Variants in CYP4B1 observed in about 807,000 individuals in gnomAD.
CYP4B1 encodes the protein cytochrome P450 family 4 subfamily B member 1, also known as cytochrome P450 4B1.
CYP4B1 carries 45 observed loss-of-function variants against 54.0 expected under a neutral mutation model. The ratio of observed to expected loss-of-function variants is 0.83; its 90% CI spans 0.66 to 1.07. The LOEUF (loss-of-function observed/expected upper bound fraction) is 1.07, where lower values mean the gene tolerates loss of function less well. Ranked by LOEUF, CYP4B1 falls within the 50% of genes least tolerant of loss-of-function variation. CYP4B1 has a pLI of 0.00. For missense variants in CYP4B1, 656 were observed against 655.4 expected (o/e 1.00, Z -0.01); for synonymous variants, 248 against 247.5 (o/e 1.00, Z -0.02).
rs528993032 is a variant in CYP4B1 at position 46,813,593 on chromosome 1, G to A, written c.607G>A (p.Gly203Ser). ...MKCTFGRGDT[G>S]LGHSRDSSYY... The stretch of plus-strand genomic sequence containing the variant: ...GTGCACCTTTGGAAGAGGAGACACC[G>A]GCCTGGGCCACAGGTCAGGAGCCAC... Residue 203 changes from glycine (G) to serine (S), a missense_variant, in exon 5 of 12, where the codon GGC (glycine) becomes AGC (serine). Physicochemically the swap from Gly to Ser is moderately conservative, Grantham distance 56. Transcript: ENST00000371923. The A allele has an allele frequency of 1.8e-4, 289 of 1,614,022 alleles. 1 individual carries two copies. In the South Asian group the frequency reaches 2.8e-3, roughly 16 times the overall value.
intron 1 of CYP4B1, among the ~76,000 whole-genome samples, chr1:46,804,655 G>A (rs1252674461): frequency 6.6e-6 from 1 of 151,930 alleles, no homozygotes; most frequent in Non-Finnish European, 1.5e-5. Flanking sequence ...CAGGTGGGGT[G>A]GTCCTTCAGG....
At chr1:46,807,266 C>G (rs1259004648) in intron 1 of CYP4B1, among the ~76,000 whole-genome samples, 1 of 152,100 alleles carries the variant, frequency 6.6e-6, no homozygotes, top group Non-Finnish European at 1.5e-5. Flanking sequence ...GTCTACTGTC[C>G]CTTGTGGGGT....
intron 4 of CYP4B1, among the ~76,000 whole-genome samples, chr1:46,812,949 C>T (rs568431117): frequency 1.7e-4 from 26 of 152,250 alleles, no homozygotes; most frequent in African/African-American, 6.3e-4. Context: ...TTGAGGACTG[C>T]CTATATTTGA....
chr1:46,800,233 CTTT>C (rs1678578384), intron 1 of CYP4B1, among the ~76,000 whole-genome samples: 2 of 49,422 alleles, frequency 4.0e-5, no homozygotes, highest in African/African-American at 1.4e-4. Context: ...CTCTTTCTTT[CTTT>C]CTTTCCTTCC....
At chr1:46,817,652 A>AGCT (rs1679389867) in intron 9 of CYP4B1, among the ~76,000 whole-genome samples, 2 of 152,220 alleles carry the variant, frequency 1.3e-5, no homozygotes, top group Non-Finnish European at 2.9e-5. Flanking sequence ...TAACTTCCCA[A>AGCT]GAGTCAGTTA....
intron 2 of CYP4B1, 39 bp from the exon 3 acceptor site, chr1:46,811,101 C>T (rs759150098): frequency 8.1e-6 from 13 of 1,613,076 alleles, no homozygotes; most frequent in Admixed American, 6.7e-5. Context: ...CCTCTAGGAA[C>T]CCCGGGTCCC....
chr1:46,814,838 T>C lies in CYP4B1; in HGVS notation c.883-236T>C, dbSNP rs575175000. 16 of 555,358 alleles carry C rather than the reference T, an allele frequency of 2.9e-5. No individual in the cohort carries two copies. In the East Asian group the frequency reaches 5.1e-4, roughly 18 times the overall value. The allele number at this position is 555,358 out of a possible 1,614,324, so 34.4% of individuals were successfully genotyped here. On this transcript the variant is annotated intron_variant, in intron 7 of 11. Transcript: ENST00000371923. ...GCCCAGTGAGCAGAACAGTCAGGGC[T>C]GGACAAGGTCACAAGTCATTTGGCC... is the stretch of plus-strand genomic sequence containing the variant.
In CYP4B1 at chr1:46,819,350, C is replaced by T. The variant is rs1274548608; in HGVS notation, c.*536C>T. ...AAATAATAAATAATTCTGAAGCAGACTCTCTTGTAACCATCACTGAAGTCA... is the reference window on the plus strand; with the variant it reads ...AAATAATAAATAATTCTGAAGCAGATTCTCTTGTAACCATCACTGAAGTCA... On this transcript the variant is annotated 3_prime_UTR_variant, in exon 12 of 12. Transcript: ENST00000371923. 3.3e-5 allele frequency: 5 copies of T among 152,640 alleles called. No individual in the cohort carries two copies. Among genetic ancestry groups the T allele is most frequent in the Non-Finnish European group, 7.3e-5 (5 of 68,402 alleles). The allele number at this position is 152,640 out of a possible 1,614,324, so 9.5% of individuals were successfully genotyped here.
In CYP4B1 at chr1:46,800,317, T is replaced by TC. The variant is rs1557485173; in HGVS notation, c.180+1056_180+1057insC. On this transcript the variant is annotated intron_variant, in intron 1 of 11. Transcript: ENST00000371923. ...TCCTTCCTTCTTTCCTTCCTTCTCT[T>TC]TCTCTCTCTCTCTTTCTTTCTTTCT... Among the ~76,000 whole-genome samples the TC allele has an allele frequency of 2.5e-4, 25 of 101,430 alleles. 2 individuals carry two copies. Among genetic ancestry groups the TC allele is most frequent in the East Asian group, 6.2e-4 (2 of 3,206 alleles). 66.5% of individuals were successfully genotyped at this position (101,430 alleles called of 152,430 possible).
chr1:46,808,954 C>T (rs1569878378), intron 1 of CYP4B1, among the ~76,000 whole-genome samples: 1 of 115,388 alleles, frequency 8.7e-6, no homozygotes, highest in African/African-American at 3.5e-5. Context: ...GAATATCACA[C>T]TCTGGGGACT....
chr1:46,814,067 G>A lies in CYP4B1; in HGVS notation c.775+4G>A, dbSNP rs1330188495. On this transcript the variant is annotated splice_donor_region_variant and intron_variant, in intron 6 of 11. Transcript: ENST00000371923. ...CAGGTGGCCCATGACCATACAGGTG[G>A]GCCTTTCCCACAAGGCTCACCTCTA... 6.2e-7 allele frequency: 1 copy of A among 1,613,868 alleles called. No individual in the cohort carries two copies. Among genetic ancestry groups the A allele is most frequent in the African/African-American group, 1.3e-5 (1 of 75,026 alleles).
Position 46,817,950 on chromosome 1 carries a change from C to G in CYP4B1, c.1208-15C>G, listed in dbSNP as rs929337870. ...CCCAGGACTACCTGGTCACCAACCTCTGTTCTGCCCACAGGAAGCCTGATC... is the reference window on the plus strand; with the variant it reads ...CCCAGGACTACCTGGTCACCAACCTGTGTTCTGCCCACAGGAAGCCTGATC... On this transcript the variant is annotated splice_polypyrimidine_tract_variant and intron_variant, in intron 9 of 11. Coordinates refer to ENST00000371923, the MANE Select transcript of CYP4B1 (RefSeq NM_001099772.2). 6.2e-7 allele frequency: 1 copy of G among 1,614,002 alleles called. No individual in the cohort carries two copies. Among genetic ancestry groups the G allele is most frequent in the Non-Finnish European group, 8.5e-7 (1 of 1,179,868 alleles).
In CYP4B1 at chr1:46,818,039, C is replaced by T. The variant is rs1679407106; in HGVS notation, c.1272+10C>T. The stretch of plus-strand genomic sequence containing the variant: ...ATGGCCCGACCCTGAGGTACCCTTT[C>T]CCTGGGCTGGGAGATCAGACAGGGT... On this transcript the variant is annotated intron_variant, in intron 10 of 11. Transcript: ENST00000371923. 5.0e-6 allele frequency: 8 copies of T among 1,614,122 alleles called. No homozygotes were observed. The highest frequency in any genetic ancestry group is 6.8e-6 in the Non-Finnish European group (8 of 1,179,962).
chr1:46,810,719 C>T (rs1185002313), intron 1 of CYP4B1, 89 bp from the exon 2 acceptor site: 8 of 1,450,322 alleles, frequency 5.5e-6, no homozygotes, highest in African/African-American at 1.4e-5. Flanking sequence ...CCTGCCTGGG[C>T]AGCCTTCTCC....
chr1:46,800,237 C>T (rs1481349994), intron 1 of CYP4B1, among the ~76,000 whole-genome samples: 2 of 36,014 alleles, frequency 5.6e-5, no homozygotes, highest in East Asian at 8.5e-4. Context: ...TTCTTTCTTT[C>T]TTTCCTTCCT....
chr1:46,812,343 C>A, intron 3 of CYP4B1, 153 bp from the exon 4 acceptor site: 2 of 834,032 alleles, frequency 2.4e-6, no homozygotes, highest in Non-Finnish European at 4.0e-6. Flanking sequence ...GTCCTGGTAG[C>A]CTAGGGTGAG....
At position 46,810,954 on chromosome 1, in the gene CYP4B1, G is replaced by A; in HGVS notation, c.322+5G>A. ...AAGCTGTGTACAGCCGTGGGGGTGA[G>A]GAGAGAGGATGGGGATCTCAGGAGA... is the stretch of plus-strand genomic sequence containing the variant. On this transcript the variant is annotated splice_donor_5th_base_variant and intron_variant, in intron 2 of 11. Coordinates refer to ENST00000371923, the MANE Select transcript of CYP4B1 (RefSeq NM_001099772.2). 1 of 1,613,918 alleles carries A rather than the reference G, an allele frequency of 6.2e-7. No homozygotes were observed.
chr1:46,818,792 T>G lies in CYP4B1; in HGVS notation c.1517T>G (p.Leu506Arg). 6.2e-7 allele frequency: 1 copy of G among 1,614,088 alleles called. No individual in the cohort carries two copies. Among genetic ancestry groups the G allele is most frequent in the African/African-American group, 1.3e-5 (1 of 75,042 alleles). Residue 506 changes from leucine to arginine, a missense_variant, in exon 12 of 12, where the codon CTG becomes CGG. Leu to Arg is a moderately radical substitution (Grantham distance 102, BLOSUM62 -2). Transcript: ENST00000371923. ...KNGFHLHLKP[L>R]GPGSGK ...GGCTTTCACCTCCACCTGAAGCCAC[T>G]GGGCCCTGGGTCTGGGAAGTAGCTC...
intron 1 of CYP4B1, among the ~76,000 whole-genome samples, chr1:46,804,498 A>C (rs1476277067): frequency 6.6e-6 from 1 of 151,394 alleles, no homozygotes; most frequent in Non-Finnish European, 1.5e-5. Context: ...AGGAGCCTGC[A>C]GAGAGGGTGA....
Sources: gnomAD v4.1 joint callset for allele counts (sites outside exome capture counted in the v4.1 genomes callset) on GRCh38, gnomAD v4.1.1 for gene constraint, MANE v1.5 for transcripts, NCBI Gene and HGNC (gene_info 2026-07-23, HGNC 2026-07-21) for gene names.